CDC42SE2: variants seen among roughly 807,000 people sequenced by gnomAD.
CDC42SE2 encodes the protein CDC42 small effector 2, also known as CDC42 small effector protein 2.
Under a neutral mutation model 11.5 loss-of-function variants are expected in CDC42SE2, and 3 were observed. The ratio of observed to expected loss-of-function variants is 0.26; its 90% CI spans 0.12 to 0.67. The LOEUF (loss-of-function observed/expected upper bound fraction) is 0.67, where lower values mean the gene tolerates loss of function less well. Among genes scored for constraint, CDC42SE2 ranks in the 30% least tolerant of loss-of-function variants. The pLI is 0.80. For missense variants in CDC42SE2, 82 were observed against 106.8 expected (o/e 0.77, Z 1.02); for synonymous variants, 33 against 34.8 (o/e 0.95, Z 0.18).
chr5:131,325,238 T>G (rs562219797), intron 2 of CDC42SE2, among the ~76,000 whole-genome samples: 1 of 152,296 alleles, frequency 6.6e-6, no homozygotes, highest in East Asian at 1.9e-4. Flanking sequence ...TGTGAAAATT[T>G]TGAATACTTT....
intron 3 of CDC42SE2, among the ~76,000 whole-genome samples, chr5:131,363,160 A>T (rs1397584545): frequency 6.6e-6 from 1 of 151,218 alleles, no homozygotes; most frequent in African/African-American, 2.4e-5. Context: ...AAAAAGATTT[A>T]TTAGCTGTTG....
chr5:131,269,566 C>T (rs1367799811), intron 1 of CDC42SE2, among the ~76,000 whole-genome samples: 1 of 150,010 alleles, frequency 6.7e-6, no homozygotes, highest in African/African-American at 2.5e-5. Flanking sequence ...GTCAGGAGTT[C>T]GAGACCAGCC....
At chr5:131,353,968 T>C (rs1271219592) in intron 2 of CDC42SE2, among the ~76,000 whole-genome samples, 1 of 150,082 alleles carries the variant, frequency 6.7e-6, no homozygotes, top group East Asian at 2.0e-4. Context: ...GGCCAGGCAT[T>C]GTGGCTCATG....
At chr5:131,286,385 G>GTTTTTTTTTTTTTTTT in intron 1 of CDC42SE2, among the ~76,000 whole-genome samples, 1 of 115,088 alleles carries the variant, frequency 8.7e-6, no homozygotes, top group Non-Finnish European at 1.7e-5. Context: ...CACCTGGCCA[G>GTTTTTTTTTTTTTTTT]TTTTTTTTTT....
At chr5:131,223,479 G>A in the CDC42SE2 span, among the ~76,000 whole-genome samples, 5 of 152,104 alleles carry the variant, frequency 3.3e-5, no homozygotes, top group African/African-American at 4.8e-5. Context: ...CAAAAAATGC[G>A]ATTTTCTACA....
chr5:131,326,259 T>C (rs1003236452), intron 2 of CDC42SE2, among the ~76,000 whole-genome samples: 1 of 152,118 alleles, frequency 6.6e-6, no homozygotes, highest in African/African-American at 2.4e-5. Flanking sequence ...CGCCTGCCAC[T>C]GCGCCTGCTA....
chr5:131,330,112 A>G (rs1408986503), intron 2 of CDC42SE2, among the ~76,000 whole-genome samples: 1 of 152,016 alleles, frequency 6.6e-6, no homozygotes, highest in Non-Finnish European at 1.5e-5. Flanking sequence ...GGACTGGAGG[A>G]TTCTAAGCAG....
At chr5:131,283,856 A>G (rs1247351525) in intron 1 of CDC42SE2, among the ~76,000 whole-genome samples, 1 of 152,178 alleles carries the variant, frequency 6.6e-6, no homozygotes, top group Non-Finnish European at 1.5e-5. Flanking sequence ...TTATTTGTCC[A>G]TTTATCAGTG....
At chr5:131,246,679 G>T (rs1415981590) in intron 1 of CDC42SE2, among the ~76,000 whole-genome samples, 2 of 151,458 alleles carry the variant, frequency 1.3e-5, no homozygotes, top group Admixed American at 1.3e-4. Flanking sequence ...GGTGGGTGAG[G>T]GTCCATGTTT....
At chr5:131,226,018 G>T in the CDC42SE2 span, among the ~76,000 whole-genome samples, 1 of 152,190 alleles carries the variant, frequency 6.6e-6, no homozygotes, top group Non-Finnish European at 1.5e-5. Context: ...ACTGAAAGTG[G>T]CTTTAACCAT....
chr5:131,381,570 G>T (rs975777967), intron 3 of CDC42SE2, among the ~76,000 whole-genome samples: 2 of 152,102 alleles, frequency 1.3e-5, no homozygotes, highest in African/African-American at 2.4e-5. Flanking sequence ...TGATCCACCC[G>T]CCTCGGCCTC....
Position 131,386,781 on chromosome 5 carries a change from C to A in CDC42SE2, c.156+1137C>A, listed in dbSNP as rs181016809. 9.9e-5 allele frequency among the ~76,000 whole-genome samples: 15 copies of A among 152,284 alleles called. No individual in the cohort carries two copies. In the East Asian group the frequency reaches 2.9e-3, roughly 29 times the overall value. On this transcript the variant is annotated intron_variant, in intron 4 of 4. Coordinates refer to ENST00000505065, the MANE Select transcript of CDC42SE2 (RefSeq NM_001375635.1). ...TAAAGTAAACAAGTATAAATGATCC[C>A]TAAAGTGTTCAAAACCAGAAAGGAT...
intron 1 of CDC42SE2, among the ~76,000 whole-genome samples, chr5:131,299,859 A>G (rs1757645886): frequency 6.6e-6 from 1 of 152,194 alleles, no homozygotes; most frequent in South Asian, 2.1e-4. Context: ...AGCCTTTGGT[A>G]TTTTGACTGG....
At chr5:131,336,270 TAA>T (rs1480471019) in intron 2 of CDC42SE2, among the ~76,000 whole-genome samples, 4 of 152,192 alleles carry the variant, frequency 2.6e-5, no homozygotes, top group African/African-American at 9.7e-5. Context: ...TGAAAATTCT[TAA>T]TTCTTTAAGA....
intron 1 of CDC42SE2, among the ~76,000 whole-genome samples, chr5:131,269,596 T>G (rs766467082): frequency 5.3e-5 from 8 of 151,772 alleles, no homozygotes; most frequent in Non-Finnish European, 1.0e-4. Flanking sequence ...AAACCTTGTC[T>G]TTACTAAAAA....
chr5:131,215,728 A>G, the CDC42SE2 span, among the ~76,000 whole-genome samples: 27 of 152,314 alleles, frequency 1.8e-4, 1 homozygote, highest in Admixed American at 7.8e-4. Flanking sequence ...TAGAAAAGGA[A>G]CTCAGTGGAG....
At chr5:131,338,113 A>AT (rs1014246041) in intron 2 of CDC42SE2, among the ~76,000 whole-genome samples, 1 of 152,134 alleles carries the variant, frequency 6.6e-6, no homozygotes, top group Non-Finnish European at 1.5e-5. Context: ...CTTCATGAAC[A>AT]TTTTTTAAAA....
At chr5:131,363,332 A>G (rs966237397) in intron 3 of CDC42SE2, among the ~76,000 whole-genome samples, 17 of 150,734 alleles carry the variant, frequency 1.1e-4, no homozygotes, top group Non-Finnish European at 2.2e-4. Context: ...TTTCCCACAT[A>G]GCACTGATTT....
At position 131,359,258 on chromosome 5, in the gene CDC42SE2, C is replaced by T. The variant is rs915438268; in HGVS notation, c.-236C>T. On this transcript the variant is annotated 5_prime_UTR_variant, in exon 3 of 5. Transcript: ENST00000505065. ...AAGACAACAATTTTTATACCTTCGT[C>T]GTGGTTCAGAAAGGAGTCTCTGTAG... is the stretch of plus-strand genomic sequence containing the variant. 3 of 548,780 alleles carry T rather than the reference C, an allele frequency of 5.5e-6. No individual in the cohort carries two copies. Among genetic ancestry groups the T allele is most frequent in the East Asian group, 3.1e-5 (1 of 32,698 alleles). The allele number at this position is 548,780 out of a possible 1,614,324, so 34.0% of individuals were successfully genotyped here. A position where few individuals can be genotyped will look rare whatever the true frequency, so the allele number is the denominator to read the frequency against.
Sources: gnomAD v4.1 joint callset for allele counts (sites outside exome capture counted in the v4.1 genomes callset) on GRCh38, gnomAD v4.1.1 for gene constraint, MANE v1.5 for transcripts, NCBI Gene and HGNC (gene_info 2026-07-23, HGNC 2026-07-21) for gene names.